The following ZNF385D variants were observed in gnomAD, a reference collection of about 807,000 sequenced individuals.
The protein encoded by ZNF385D is zinc finger protein 659.
In ZNF385D, 15 loss-of-function variants were observed where a neutral mutation model predicts 35.8. The ratio of observed to expected loss-of-function variants is 0.42; its 90% CI spans 0.28 to 0.64. The LOEUF is 0.64. Ranked by LOEUF, ZNF385D falls within the 30% of genes least tolerant of loss-of-function variation. The pLI is 0.23. For synonymous variants in ZNF385D, 212 were observed against 186.8 expected (o/e 1.13, Z -1.10); for missense variants, 474 against 494.6 (o/e 0.96, Z 0.39).
intron 2 of ZNF385D, among the ~76,000 whole-genome samples, chr3:22,287,295 T>G (rs937370224): frequency 1.3e-5 from 2 of 152,054 alleles, no homozygotes; most frequent in African/African-American, 4.8e-5. Context: ...GTGAGCACAT[T>G]GTTGAGTCTT....
intron 2 of ZNF385D, among the ~76,000 whole-genome samples, chr3:22,363,067 T>C (rs1387914181): frequency 2.6e-5 from 4 of 152,128 alleles, no homozygotes; most frequent in Non-Finnish European, 4.4e-5. Context: ...TTATTACTTC[T>C]TAATAAGTTC....
At chr3:22,164,853 C>G (rs1038099471) in intron 3 of ZNF385D, among the ~76,000 whole-genome samples, 1 of 151,366 alleles carries the variant, frequency 6.6e-6, no homozygotes, top group Non-Finnish European at 1.5e-5. Flanking sequence ...AATGAGCTAT[C>G]AAGCCATAAA....
rs528733813 is a variant in ZNF385D, at chr3:21,931,530, C to G, written c.325+237287G>C. Among the ~76,000 whole-genome samples, 5 of 152,244 alleles carry G rather than the reference C, an allele frequency of 3.3e-5. No homozygotes were observed. In the South Asian group the frequency reaches 6.2e-4, roughly 19 times the overall value. On this transcript the variant is annotated intron_variant, in intron 3 of 5. Transcript: ENST00000494108. ...TTAAGCAATCCAGAATTTCCATCAACTGGTGAATGGGTAAGTACAAGACGG... is the reference window on the plus strand; with the variant it reads ...TTAAGCAATCCAGAATTTCCATCAAGTGGTGAATGGGTAAGTACAAGACGG...
At chr3:22,066,778 T>C (rs924429443) in intron 3 of ZNF385D, among the ~76,000 whole-genome samples, 4 of 152,146 alleles carry the variant, frequency 2.6e-5, no homozygotes, top group African/African-American at 9.7e-5. Flanking sequence ...TGGTTGTTCA[T>C]GACCTGAGAT....
chr3:21,881,344 C>G (rs143983202), intron 3 of ZNF385D, among the ~76,000 whole-genome samples: 252 of 152,070 alleles, frequency 1.7e-3, no homozygotes, highest in Non-Finnish European at 1.9e-3. Context: ...ATTGACCATT[C>G]CAAACATCCT....
chr3:22,045,617 T>C (rs967831080), intron 3 of ZNF385D, among the ~76,000 whole-genome samples: 1 of 152,312 alleles, frequency 6.6e-6, no homozygotes, highest in South Asian at 2.1e-4. Context: ...CAGTTTTCTG[T>C]GGGTTTTACT....
intron 3 of ZNF385D, among the ~76,000 whole-genome samples, chr3:22,068,011 G>GAAA (rs11461604): frequency 1.3e-5 from 2 of 149,650 alleles, no homozygotes; most frequent in African/African-American, 4.9e-5. Flanking sequence ...GACTCCACTG[G>GAAA]AAAAAAAAAA....
intron 3 of ZNF385D, among the ~76,000 whole-genome samples, chr3:21,758,253 G>C (rs766922602): frequency 3.3e-5 from 5 of 152,202 alleles, no homozygotes; most frequent in African/African-American, 4.8e-5. Flanking sequence ...GAAAATATTA[G>C]ATGTTAATTC....
At chr3:21,966,116 TAC>T (rs1702898897) in intron 3 of ZNF385D, among the ~76,000 whole-genome samples, 1 of 152,174 alleles carries the variant, frequency 6.6e-6, no homozygotes, top group Non-Finnish European at 1.5e-5. Flanking sequence ...CAGCAATAGA[TAC>T]AGAGACATTT....
At chr3:21,913,233 T>C (rs532796668) in intron 3 of ZNF385D, among the ~76,000 whole-genome samples, 1 of 152,106 alleles carries the variant, frequency 6.6e-6, no homozygotes, top group Non-Finnish European at 1.5e-5. Context: ...AGGAACAGTG[T>C]CACCATGCAG....
rs146785583 is a variant in ZNF385D at position 22,018,943 on chromosome 3, C to T, written c.325+149874G>A. ...GGAGTACAGGATTGAACGTGCAATT[C>T]CTACTCCTTTCCGTCTCTACCCACA... is the stretch of plus-strand genomic sequence containing the variant. On this transcript the variant is annotated intron_variant, in intron 3 of 5. Transcript: ENST00000494108. 6.1e-3 allele frequency among the ~76,000 whole-genome samples: 923 copies of T among 151,038 alleles called. 10 individuals carry two copies. Among genetic ancestry groups the T allele is most frequent in the African/African-American group, 0.021 (850 of 41,180 alleles).
chr3:21,629,725 G>A (rs1439991716), intron 2 of ZNF385D, among the ~76,000 whole-genome samples: 1 of 152,054 alleles, frequency 6.6e-6, no homozygotes, highest in African/African-American at 2.4e-5. Flanking sequence ...GGTTCCCATG[G>A]TTTACCAGAG....
intron 3 of ZNF385D, among the ~76,000 whole-genome samples, chr3:21,917,250 G>A (rs1244796945): frequency 3.3e-5 from 5 of 152,228 alleles, no homozygotes; most frequent in African/African-American, 1.2e-4. Context: ...TGGCCAACAC[G>A]GTGAAACCTG....
At chr3:22,043,003 C>A (rs895633434) in intron 3 of ZNF385D, among the ~76,000 whole-genome samples, 1 of 152,112 alleles carries the variant, frequency 6.6e-6, no homozygotes, top group South Asian at 2.1e-4. Context: ...CAGTCACAGA[C>A]TGAAATGTTT....
At chr3:22,043,890 G>T (rs942600162) in intron 3 of ZNF385D, among the ~76,000 whole-genome samples, 1 of 152,124 alleles carries the variant, frequency 6.6e-6, no homozygotes, top group African/African-American at 2.4e-5. Flanking sequence ...AGATGATCAT[G>T]TAAGCAAAGA....
intron 2 of ZNF385D, among the ~76,000 whole-genome samples, chr3:22,338,318 T>G (rs546272792): frequency 3.3e-5 from 5 of 152,302 alleles, no homozygotes; most frequent in South Asian, 4.1e-4. Context: ...GAGTATATGA[T>G]TTCCATATGA....
intron 2 of ZNF385D, among the ~76,000 whole-genome samples, chr3:22,270,927 C>A (rs1230723862): frequency 1.3e-5 from 2 of 151,918 alleles, no homozygotes; most frequent in African/African-American, 4.8e-5. Flanking sequence ...TCATGTGGAC[C>A]CATTTCAGTT....
chr3:21,862,768 C>G (rs1697128654), intron 3 of ZNF385D, among the ~76,000 whole-genome samples: 1 of 152,120 alleles, frequency 6.6e-6, no homozygotes, highest in South Asian at 2.1e-4. Context: ...TTAGCACGGT[C>G]CCTGTTACAT....
intron 2 of ZNF385D, among the ~76,000 whole-genome samples, chr3:21,592,196 T>C (rs1362176811): frequency 6.6e-6 from 1 of 152,176 alleles, no homozygotes; most frequent in Non-Finnish European, 1.5e-5. Flanking sequence ...TCTTGACTTA[T>C]CTAAACCAAA....
Sources: allele counts gnomAD v4.1 joint callset (sites outside exome capture counted in the v4.1 genomes callset), GRCh38; gene constraint gnomAD v4.1.1; transcripts MANE v1.5; gene names NCBI Gene and HGNC (gene_info 2026-07-23, HGNC 2026-07-21).